ATP8A2: variants seen among roughly 807,000 people sequenced by gnomAD.
ATP8A2 encodes phospholipid-transporting ATPase IB.
ATP8A2 carries 100 observed loss-of-function variants against 165.6 expected under a neutral mutation model. The ratio of observed to expected loss-of-function variants is 0.60; its 90% CI spans 0.51 to 0.71. The LOEUF (loss-of-function observed/expected upper bound fraction) is 0.71. Ranked by LOEUF, ATP8A2 falls within the 30% of genes least tolerant of loss-of-function variation. The pLI is 0.00. For missense variants in ATP8A2, 1,227 were observed against 1,479.5 expected, an observed-to-expected ratio of 0.83 and a Z score of 2.80; for synonymous variants, 543 against 548.8, an observed-to-expected ratio of 0.99 and a Z score of 0.15.
chr13:25,455,745 G>A (rs1053954824), intron 1 of ATP8A2, among the ~76,000 whole-genome samples: 2 of 152,066 alleles, frequency 1.3e-5, no homozygotes, highest in Non-Finnish European at 2.9e-5. Flanking sequence ...CTGCCTCCTT[G>A]GCATCCCAGA....
At chr13:25,799,241 G>A (rs1950565857) in intron 27 of ATP8A2, among the ~76,000 whole-genome samples, 1 of 152,178 alleles carries the variant, frequency 6.6e-6, no homozygotes, top group East Asian at 1.9e-4. Context: ...AACAACCTTT[G>A]TGCAGATTTC....
intron 1 of ATP8A2, among the ~76,000 whole-genome samples, chr13:25,386,865 C>T (rs1017388474): frequency 1.2e-4 from 18 of 151,366 alleles, no homozygotes; most frequent in Admixed American, 6.6e-4. Flanking sequence ...GGCGTGGTGG[C>T]GGGCACCTGT....
At chr13:25,931,141 C>T (rs1293226763) in intron 33 of ATP8A2, among the ~76,000 whole-genome samples, 1 of 152,180 alleles carries the variant, frequency 6.6e-6, no homozygotes, top group Non-Finnish European at 1.5e-5. Flanking sequence ...CAGGACGCCA[C>T]GGGTGGACAA....
intron 1 of ATP8A2, 174 bp from the exon 2 acceptor site, chr13:25,468,803 C>T: frequency 5.1e-6 from 5 of 982,382 alleles, no homozygotes; most frequent in Non-Finnish European, 6.0e-6. Context: ...GCCTTGGCTG[C>T]CGCGGCACAG....
chr13:25,745,758 A>C (rs2044017586), intron 25 of ATP8A2, among the ~76,000 whole-genome samples: 1 of 152,248 alleles, frequency 6.6e-6, no homozygotes, highest in Non-Finnish European at 1.5e-5. Flanking sequence ...TTCTAGTGCC[A>C]ATAGAACTTT....
chr13:25,861,844 C>T (rs962624879), intron 32 of ATP8A2, among the ~76,000 whole-genome samples: 6 of 152,140 alleles, frequency 3.9e-5, no homozygotes, highest in African/African-American at 1.4e-4. Flanking sequence ...AGGCAATATC[C>T]ATTTCAGATT....
At chr13:25,723,531 G>A (rs576769413) in intron 25 of ATP8A2, among the ~76,000 whole-genome samples, 1 of 152,090 alleles carries the variant, frequency 6.6e-6, no homozygotes, top group South Asian at 2.1e-4. Context: ...TTTTACTTTT[G>A]GCTTTTCTGT....
chr13:25,868,384 C>T (rs1266989949), intron 33 of ATP8A2, among the ~76,000 whole-genome samples: 1 of 152,102 alleles, frequency 6.6e-6, no homozygotes, highest in Non-Finnish European at 1.5e-5. Flanking sequence ...TTTTAGAAAC[C>T]CGTGGCATGG....
intron 30 of ATP8A2, among the ~76,000 whole-genome samples, chr13:25,849,524 A>G (rs1951955420): frequency 6.6e-6 from 1 of 152,234 alleles, no homozygotes; most frequent in African/African-American, 2.4e-5. Flanking sequence ...TTGTCTCTTT[A>G]GAAAATGAGA....
chr13:25,436,363 A>G (rs2034776270), intron 1 of ATP8A2, among the ~76,000 whole-genome samples: 1 of 152,060 alleles, frequency 6.6e-6, no homozygotes, highest in African/African-American at 2.4e-5. Flanking sequence ...AGGTATGGTA[A>G]TTGGTTTTCT....
At chr13:25,730,771 G>A (rs886646597) in intron 25 of ATP8A2, among the ~76,000 whole-genome samples, 1 of 151,952 alleles carries the variant, frequency 6.6e-6, no homozygotes, top group Non-Finnish European at 1.5e-5. Flanking sequence ...ATTATTGTTT[G>A]ATTTTTTTTA....
chr13:25,732,334 C>T (rs1566086905), intron 25 of ATP8A2, among the ~76,000 whole-genome samples: 1 of 152,218 alleles, frequency 6.6e-6, no homozygotes, highest in African/African-American at 2.4e-5. Flanking sequence ...AATGAGGTCA[C>T]TGACCAGCTA....
intron 35 of ATP8A2, among the ~76,000 whole-genome samples, chr13:25,987,032 G>A (rs1410958278): frequency 6.6e-6 from 1 of 152,136 alleles, no homozygotes; most frequent in Non-Finnish European, 1.5e-5. Flanking sequence ...GATAGGCCAA[G>A]TAATAATATG....
intron 2 of ATP8A2, among the ~76,000 whole-genome samples, chr13:25,518,879 G>C (rs1040381283): frequency 6.6e-6 from 1 of 152,280 alleles, no homozygotes; most frequent in East Asian, 1.9e-4. Context: ...CCCATGAGTT[G>C]GGCTCCTCAG....
intron 34 of ATP8A2, 65 bp from the exon 35 acceptor site, chr13:25,968,510 C>T: frequency 7.0e-7 from 1 of 1,424,280 alleles, no homozygotes; most frequent in Non-Finnish European, 9.8e-7. Context: ...AGGGGAGCGG[C>T]CTGTCTTTCC....
chr13:25,877,709 T>C (rs1339589146), intron 33 of ATP8A2, among the ~76,000 whole-genome samples: 3 of 152,202 alleles, frequency 2.0e-5, no homozygotes, highest in African/African-American at 7.2e-5. Flanking sequence ...GTCTGTTTAG[T>C]TTATCTTTCC....
At chr13:25,669,646 A>C (rs76284784) in intron 24 of ATP8A2, among the ~76,000 whole-genome samples, 4,549 of 152,280 alleles carry the variant, frequency 0.03, 123 homozygotes, top group East Asian at 0.13. Flanking sequence ...CTTCCTTCTT[A>C]GCCTCTGCCT....
chr13:25,731,991 C>T (rs543023371), intron 25 of ATP8A2, among the ~76,000 whole-genome samples: 1 of 152,236 alleles, frequency 6.6e-6, no homozygotes, highest in East Asian at 1.9e-4. Flanking sequence ...TCCTCTTTTT[C>T]AGGACTCCGG....
chr13:25,514,691 GC>G (rs2037408385), intron 2 of ATP8A2, among the ~76,000 whole-genome samples: 2 of 152,140 alleles, frequency 1.3e-5, no homozygotes, highest in African/African-American at 4.8e-5. Context: ...CAGATTCCTA[GC>G]CCTGATTTCC....
Sources: allele counts gnomAD v4.1 joint callset (sites outside exome capture counted in the v4.1 genomes callset), GRCh38; gene constraint gnomAD v4.1.1; transcripts MANE v1.5; gene names NCBI Gene and HGNC (gene_info 2026-07-23, HGNC 2026-07-21).